The following RCAN2 variants were observed in gnomAD, a reference collection of about 807,000 sequenced individuals.
The protein encoded by RCAN2 is calcipressin-2.
In RCAN2, 9 loss-of-function variants were observed where a neutral mutation model predicts 23.6. The observed-to-expected ratio is 0.38, with a 90% CI of 0.23 to 0.67. The LOEUF is 0.67. Among genes scored for constraint, RCAN2 ranks in the 30% least tolerant of loss-of-function variants. RCAN2 has a pLI of 0.51. For synonymous variants in RCAN2, 109 were observed against 115.7 expected (o/e 0.94, Z 0.37); for missense variants, 273 against 302.3 (o/e 0.90, Z 0.72).
At chr6:46,324,832 G>C (rs1763738799) in intron 2 of RCAN2, among the ~76,000 whole-genome samples, 1 of 152,202 alleles carries the variant, frequency 6.6e-6, no homozygotes, top group Admixed American at 6.5e-5. Context: ...AAAATGACTT[G>C]CTTTCTTTGC....
At position 46,354,895 on chromosome 6, in the gene RCAN2, A is replaced by ATGTGTG. The variant is rs1317652711; in HGVS notation, c.225+101856_225+101857insCACACA. On this transcript the variant is annotated intron_variant, in intron 2 of 4. Coordinates refer to ENST00000371374, the MANE Select transcript of RCAN2 (RefSeq NM_001251974.2). ...AGAGACTTCTCAGGAAAAAGATTAT[A>ATGTGTG]TATGTGTGTGTGTGTGTGTGTGTGT... is the stretch of plus-strand genomic sequence containing the variant. Among the ~76,000 whole-genome samples the ATGTGTG allele has an allele frequency of 8.7e-4, 118 of 136,302 alleles. 2 individuals are homozygous for ATGTGTG. The highest frequency in any genetic ancestry group is 4.5e-3 in the South Asian group (18 of 3,968). 89.4% of individuals were successfully genotyped at this position (136,302 alleles called of 152,430 possible). A position where few individuals can be genotyped will look rare whatever the true frequency, so the allele number is the denominator to read the frequency against.
chr6:46,456,829 T>C lies in RCAN2; in HGVS notation c.148A>G (p.Thr50Ala). The C allele has an allele frequency of 2.6e-6, 4 of 1,550,664 alleles. No homozygotes were observed. Among genetic ancestry groups the C allele is most frequent in the East Asian group, 4.9e-5 (2 of 40,908 alleles). ...CFAEEAFQAITDFNDLPNSLF... is the reference protein window; with the variant it reads ...CFAEEAFQAIADFNDLPNSLF... ...GAGTTGGGGAGGTCATTGAAGTCAG[T>C]GATTGCTTGAAAGGCTTCTTCTGCA... The change falls in exon 2 of 5, where the codon ACT becomes GCT. Residue 50 changes from threonine (T) to alanine (A), a missense_variant. Transcript: ENST00000371374.
Position 46,246,120 on chromosome 6 carries a change from G to C in RCAN2, c.571+628C>G, listed in dbSNP as rs984769691. Among the ~76,000 whole-genome samples the C allele has an allele frequency of 1.8e-4, 28 of 152,168 alleles. 1 individual carries two copies. Among genetic ancestry groups the C allele is most frequent in the African/African-American group, 6.8e-4 (28 of 41,458 alleles). ...CAAAAAACCTGGAAATAATCTAAAT[G>C]TCCATCAACAGGAGAGTGGCTAAAT... On this transcript the variant is annotated intron_variant, in intron 4 of 4. Transcript: ENST00000371374.
intron 2 of RCAN2, among the ~76,000 whole-genome samples, chr6:46,414,316 T>A (rs943249136): frequency 1.3e-5 from 2 of 152,040 alleles, no homozygotes; most frequent in Admixed American, 6.6e-5. Flanking sequence ...TTGTAAAGTG[T>A]GGTAAGTGCT....
intron 2 of RCAN2, among the ~76,000 whole-genome samples, chr6:46,419,275 G>C (rs1766800134): frequency 6.6e-6 from 1 of 152,138 alleles, no homozygotes; most frequent in Admixed American, 6.6e-5. Flanking sequence ...GCATTTAATA[G>C]TATACCACTA....
Position 46,230,973 on chromosome 6 carries a change from C to A in RCAN2, c.572-7672G>T, listed in dbSNP as rs546053629. 7.6e-4 allele frequency among the ~76,000 whole-genome samples: 115 copies of A among 152,276 alleles called. 1 individual carries two copies. Among genetic ancestry groups the A allele is most frequent in the African/African-American group, 2.6e-3 (108 of 41,538 alleles). On this transcript the variant is annotated intron_variant, in intron 4 of 4. Transcript: ENST00000371374. ...ACTGATAATGCAATAAATATCGAAG[C>A]CCTTCTAAGTGATGCTGGGAAGGAT...
At chr6:46,403,572 C>CAAA (rs35037427) in intron 2 of RCAN2, among the ~76,000 whole-genome samples, 4 of 122,614 alleles carry the variant, frequency 3.3e-5, no homozygotes, top group Admixed American at 1.6e-4. Flanking sequence ...AACTCCGTAT[C>CAAA]AAAAAAAAAA....
chr6:46,258,061 C>T (rs570770430), intron 2 of RCAN2, among the ~76,000 whole-genome samples: 26 of 152,332 alleles, frequency 1.7e-4, no homozygotes, highest in African/African-American at 6.3e-4. Flanking sequence ...TCCCTTTGGG[C>T]ATAAATTGCT....
intron 2 of RCAN2, among the ~76,000 whole-genome samples, chr6:46,426,735 C>G (rs1388829849): frequency 1.3e-5 from 2 of 152,100 alleles, no homozygotes; most frequent in Non-Finnish European, 2.9e-5. Context: ...ACTGTGTAAA[C>G]AGATCAGGTG....
intron 2 of RCAN2, among the ~76,000 whole-genome samples, chr6:46,383,168 A>T (rs1582157624): frequency 7.2e-6 from 1 of 139,400 alleles, no homozygotes; most frequent in African/African-American, 2.6e-5. Flanking sequence ...CAGCCTGGGT[A>T]GTGTGTGTGT....
intron 2 of RCAN2, among the ~76,000 whole-genome samples, chr6:46,316,121 A>G (rs1282264010): frequency 1.3e-5 from 2 of 152,152 alleles, no homozygotes; most frequent in Non-Finnish European, 2.9e-5. Flanking sequence ...TGAAAACTGC[A>G]GGGGAAGAGT....
chr6:46,257,140 T>A (rs1766947787), intron 2 of RCAN2, among the ~76,000 whole-genome samples: 1 of 152,240 alleles, frequency 6.6e-6, no homozygotes. Context: ...ATTATTTTTT[T>A]CAATCAATAG....
intron 4 of RCAN2, among the ~76,000 whole-genome samples, chr6:46,245,020 T>A (rs1167511058): frequency 6.6e-6 from 1 of 152,246 alleles, no homozygotes; most frequent in African/African-American, 2.4e-5. Flanking sequence ...ATTTACTTTA[T>A]ACACTGTGCA....
intron 2 of RCAN2, among the ~76,000 whole-genome samples, chr6:46,308,436 G>C (rs1311335601): frequency 6.6e-6 from 1 of 152,160 alleles, no homozygotes; most frequent in Non-Finnish European, 1.5e-5. Flanking sequence ...GAAACATTTG[G>C]ATTAAGGGAG....
chr6:46,274,541 C>T (rs563379572), intron 2 of RCAN2, among the ~76,000 whole-genome samples: 1 of 152,230 alleles, frequency 6.6e-6, no homozygotes, highest in South Asian at 2.1e-4. Flanking sequence ...CTGCATCCCC[C>T]CGCCCCATCT....
chr6:46,414,266 A>G (rs1478763215), intron 2 of RCAN2, among the ~76,000 whole-genome samples: 1 of 152,234 alleles, frequency 6.6e-6, no homozygotes, highest in East Asian at 1.9e-4. Context: ...AGCTGCCATT[A>G]GTGTAAATGG....
intron 4 of RCAN2, among the ~76,000 whole-genome samples, chr6:46,240,264 CT>C (rs372882817): frequency 3.3e-5 from 5 of 152,118 alleles, no homozygotes; most frequent in East Asian, 3.9e-4. Flanking sequence ...CCTTAAAGTA[CT>C]TTTTTTTATA....
intron 2 of RCAN2, among the ~76,000 whole-genome samples, chr6:46,359,593 C>G (rs1764941367): frequency 6.6e-6 from 1 of 152,096 alleles, no homozygotes; most frequent in Admixed American, 6.6e-5. Context: ...GGTTATGTAT[C>G]ATTTTTCTGG....
At chr6:46,418,713 A>G (rs867741354) in intron 2 of RCAN2, among the ~76,000 whole-genome samples, 1 of 139,448 alleles carries the variant, frequency 7.2e-6, no homozygotes, top group Non-Finnish European at 1.5e-5. Flanking sequence ...ATATATATAT[A>G]TATATATATA....
Sources: gnomAD v4.1 joint callset for allele counts (sites outside exome capture counted in the v4.1 genomes callset) on GRCh38, gnomAD v4.1.1 for gene constraint, MANE v1.5 for transcripts, NCBI Gene and HGNC (gene_info 2026-07-23, HGNC 2026-07-21) for gene names.